The following TAF12 variants were observed in gnomAD, a reference collection of about 807,000 sequenced individuals.
The protein encoded by TAF12 is transcription initiation factor TFIID subunit 12.
TAF12 carries 3 observed loss-of-function variants against 20.8 expected under a neutral mutation model. The observed-to-expected ratio is 0.14, with a 90% CI of 0.07 to 0.37. TAF12 has a LOEUF of 0.37. TAF12 is among the 10% of genes least tolerant of loss of function. TAF12 has a pLI of 1.00. For synonymous variants in TAF12, 69 were observed against 70.2 expected (o/e 0.98, Z 0.09); for missense variants, 131 against 197.9 (o/e 0.66, Z 2.03).
chr1:28,637,316 T>C (rs115596736), intron 1 of TAF12, among the ~76,000 whole-genome samples: 3,274 of 152,066 alleles, frequency 0.022, 54 homozygotes, highest in Non-Finnish European at 0.032. Context: ...CTTGGTTCAC[T>C]GCAACCTCCG....
chr1:28,638,664 T>G lies in TAF12; in HGVS notation c.-85+4328A>C, dbSNP rs1667926379. Among the ~76,000 whole-genome samples the G allele has an allele frequency of 2.7e-5, 4 of 149,668 alleles. No individual in the cohort carries two copies. The Admixed American group carries it at 2.7e-4, about 10-fold the overall frequency. On this transcript the variant is annotated intron_variant, in intron 1 of 5. Coordinates refer to ENST00000373824, the MANE Select transcript of TAF12 (RefSeq NM_005644.4). ...CTATGTCCAGCTGATTTTTATATTT[T>G]TAGTAGAGACGGGGTTTTACCATGT...
chr1:28,603,758 G>C (rs558217675), intron 5 of TAF12, among the ~76,000 whole-genome samples, 184 bp from the exon 6 acceptor site: 6 of 152,172 alleles, frequency 3.9e-5, no homozygotes, highest in Non-Finnish European at 7.3e-5. Context: ...GGCCCCAAGA[G>C]ATGTTTAGAT....
At chr1:28,609,328 G>A (rs773853598) in intron 4 of TAF12, among the ~76,000 whole-genome samples, 2 of 151,794 alleles carry the variant, frequency 1.3e-5, no homozygotes, top group African/African-American at 2.4e-5. Flanking sequence ...TGCCCGCCTC[G>A]GCCTCCCAAA....
rs58747974 is a variant in TAF12, at chr1:28,608,175, CAA to C, written c.362-2717_362-2716del. On this transcript the variant is annotated intron_variant, in intron 4 of 5. Transcript: ENST00000373824. Reference sequence around the variant, plus strand: ...TGAAACCCGGTCTCTACTAAAAATACAAAAAAAAAAAAAAAAAAAAATAGCCG... The same window carrying C: ...TGAAACCCGGTCTCTACTAAAAATACAAAAAAAAAAAAAAAAAAATAGCCG... Among the ~76,000 whole-genome samples, 326 of 63,714 alleles carry C rather than the reference CAA, an allele frequency of 5.1e-3. 3 individuals carry two copies. The highest frequency in any genetic ancestry group is 0.016 in the African/African-American group (312 of 18,954). The allele number at this position is 63,714 out of a possible 152,430, so 41.8% of individuals were successfully genotyped here. A position where few individuals can be genotyped will look rare whatever the true frequency, so the allele number is the denominator to read the frequency against.
intron 5 of TAF12, among the ~76,000 whole-genome samples, chr1:28,604,069 T>A (rs1557454447): frequency 6.6e-6 from 1 of 152,124 alleles, no homozygotes; most frequent in Non-Finnish European, 1.5e-5. Flanking sequence ...CACGCCTGGC[T>A]AATTTTTGTA....
At chr1:28,635,154 C>T (rs562935676) in intron 1 of TAF12, among the ~76,000 whole-genome samples, 6 of 148,330 alleles carry the variant, frequency 4.0e-5, no homozygotes, top group East Asian at 4.2e-4. Context: ...AGCGCGAACC[C>T]GGGAGGTGGA....
upstream of TAF12, chr1:28,646,468 T>C (rs1010414365): frequency 6.6e-6 from 1 of 152,188 alleles, no homozygotes; most frequent in African/African-American, 2.4e-5. Context: ...ATTATTAAAA[T>C]ATATTAAAGA....
intron 1 of TAF12, among the ~76,000 whole-genome samples, chr1:28,629,065 C>G (rs917331304): frequency 5.9e-5 from 9 of 152,094 alleles, no homozygotes; most frequent in Admixed American, 5.9e-4. Flanking sequence ...AGCAAGACTC[C>G]GTCTCAAATA....
rs554549498 is a variant in TAF12 at position 28,631,645 on chromosome 1, C to CA, written c.-84-9481dup. ...AGGAGTTTGAGACAAGGCTAGGTAA[C>CA]ATAATGAGACCCTGGCTCTTTATTT... On this transcript the variant is annotated intron_variant, in intron 1 of 5. Transcript: ENST00000373824. 3.6e-4 allele frequency among the ~76,000 whole-genome samples: 55 copies of CA among 152,238 alleles called. No homozygotes were observed. In the East Asian group the frequency reaches 8.7e-3, roughly 24 times the overall value.
At chr1:28,634,703 G>A (rs1667757499) in intron 1 of TAF12, among the ~76,000 whole-genome samples, 1 of 152,130 alleles carries the variant, frequency 6.6e-6, no homozygotes, top group South Asian at 2.1e-4. Flanking sequence ...GCCGAGGTGG[G>A]CAGATCACCT....
intron 1 of TAF12, among the ~76,000 whole-genome samples, 195 bp from the exon 2 acceptor site, chr1:28,622,360 GAAA>G (rs1033224931): frequency 2.6e-5 from 2 of 78,000 alleles, no homozygotes; most frequent in East Asian, 3.1e-4. Context: ...TCTCTACCAA[GAAA>G]AAAAAAAAAA....
Position 28,622,000 on chromosome 1 carries a change from G to A in TAF12, c.82C>T (p.Gln28Ter). The A allele has an allele frequency of 6.2e-7, 1 of 1,614,112 alleles. No individual in the cohort carries two copies. The highest frequency in any genetic ancestry group is 8.5e-7 in the Non-Finnish European group (1 of 1,180,014). Residue 28 changes from glutamine (Q) to a stop codon, truncating the protein, a stop_gained, in exon 2 of 6, where the codon CAA becomes TAA. Transcript: ENST00000373824. LOFTEE classifies it high-confidence loss of function. ...IKPEPASTPPQGSMANSTAVV... is the reference protein window; with the variant it reads ...IKPEPASTPP The stretch of plus-strand genomic sequence containing the variant: ...GCAGTACTATTGGCCATGGAGCCTT[G>A]TGGAGGGGTGCTGGCTGGTTCCGGT...
chr1:28,606,789 G>A (rs960240766), intron 4 of TAF12, among the ~76,000 whole-genome samples: 1 of 152,170 alleles, frequency 6.6e-6, no homozygotes, highest in Non-Finnish European at 1.5e-5. Context: ...AAGAGCCAAA[G>A]CTGAGGTCTG....
intron 1 of TAF12, among the ~76,000 whole-genome samples, chr1:28,638,956 T>G (rs555997772): frequency 2.0e-5 from 3 of 151,712 alleles, no homozygotes; most frequent in South Asian, 2.1e-4. Flanking sequence ...CAGCTAATTT[T>G]TTTTGTATTG....
intron 4 of TAF12, among the ~76,000 whole-genome samples, chr1:28,610,260 G>A (rs1335233922): frequency 1.3e-5 from 2 of 152,052 alleles, no homozygotes; most frequent in Non-Finnish European, 2.9e-5. Context: ...GAGCCACTGC[G>A]CCTGGCCGAT....
intron 1 of TAF12, among the ~76,000 whole-genome samples, chr1:28,638,025 G>A (rs921828223): frequency 6.6e-6 from 1 of 151,888 alleles, no homozygotes; most frequent in African/African-American, 2.4e-5. Context: ...TTTGGAGATG[G>A]AGTCTCGCTC....
At chr1:28,639,700 T>G (rs1667971041) in intron 1 of TAF12, among the ~76,000 whole-genome samples, 2 of 152,194 alleles carry the variant, frequency 1.3e-5, no homozygotes, top group African/African-American at 4.8e-5. Context: ...TTTGATCATT[T>G]ATATATAATA....
intron 1 of TAF12, among the ~76,000 whole-genome samples, chr1:28,638,152 C>T (rs1026534261): frequency 2.7e-4 from 41 of 151,720 alleles, no homozygotes; most frequent in African/African-American, 8.5e-4. Flanking sequence ...AGGCGTCTGC[C>T]ACCACATCCA....
intron 4 of TAF12, among the ~76,000 whole-genome samples, chr1:28,607,961 ACCT>A (rs1219208475): frequency 6.6e-6 from 1 of 151,736 alleles, no homozygotes; most frequent in Non-Finnish European, 1.5e-5. Context: ...ACATGGTGAA[ACCT>A]CCTATCTACT....
Sources: gnomAD v4.1 joint callset for allele counts (sites outside exome capture counted in the v4.1 genomes callset) on GRCh38, gnomAD v4.1.1 for gene constraint, MANE v1.5 for transcripts, NCBI Gene and HGNC (gene_info 2026-07-23, HGNC 2026-07-21) for gene names.